Variants in SERINC4 observed in about 807,000 individuals in gnomAD.
SERINC4 encodes the protein serine incorporator 4.
SERINC4 carries 52 observed loss-of-function variants against 52.0 expected under a neutral mutation model. The observed-to-expected ratio is 1.00, with a 90% CI of 0.80 to 1.26. The LOEUF (loss-of-function observed/expected upper bound fraction) is 1.26, where lower values mean the gene tolerates loss of function less well. Among genes scored for constraint, SERINC4 ranks in the 50% most tolerant of loss-of-function variants. SERINC4 has a pLI of 0.00. For synonymous variants in SERINC4, 264 were observed against 247.7 expected (o/e 1.07, Z -0.62); for missense variants, 723 against 632.8 (o/e 1.14, Z -1.53).
chr15:43,796,973 G>T, intron 6 of SERINC4, 33 bp from the exon 7 acceptor site: 2 of 1,579,010 alleles, frequency 1.3e-6, no homozygotes, highest in Non-Finnish European at 1.7e-6. Context: ...TTAGTCTACA[G>T]GCTGGTAATT....
intron 3 of SERINC4, 196 bp from the exon 4 acceptor site, chr15:43,798,700 ATACT>A (rs2087259518): frequency 1.6e-6 from 1 of 625,640 alleles, no homozygotes; most frequent in Non-Finnish European, 2.8e-6. Flanking sequence ...TAACTCAAAG[ATACT>A]TAATAGCATC....
chr15:43,796,888 C>T lies in SERINC4; in HGVS notation c.897G>A (p.Met299Ile), dbSNP rs771121847. 6.2e-7 allele frequency: 1 copy of T among 1,614,130 alleles called. No individual in the cohort carries two copies. Among genetic ancestry groups the T allele is most frequent in the East Asian group, 2.2e-5 (1 of 44,888 alleles). The part of the protein sequence containing the change: ...LQASVISCYI[M>I]YLTFSALSSR... ...TGGACAGTGCAGAGAAAGTCAGATACATGATATAGCAGCTGATGACAGAAG... is the reference window on the plus strand; with the variant it reads ...TGGACAGTGCAGAGAAAGTCAGATATATGATATAGCAGCTGATGACAGAAG... Residue 299 changes from methionine (M) to isoleucine (I), a missense_variant, in exon 7 of 12, where the codon ATG (methionine) becomes ATA (isoleucine). Transcript: ENST00000319327.
In SERINC4 at chr15:43,796,157, G is replaced by A. The variant is rs767992795; in HGVS notation, c.1138C>T (p.Gln380Ter). The stretch of plus-strand genomic sequence containing the variant: ...GATATGGAGCTCTTTATCCTCACCT[G>A]AAACTCATAGCTGTAAACCTTGACA... ...WIVKVYSYEF[Q>*]KPSLCFCCPE... Residue 380 changes from glutamine (Q) to a stop codon, truncating the protein, a stop_gained and splice_region_variant, in exon 9 of 12, where the codon CAG (glutamine) becomes TAG (stop). Coordinates refer to ENST00000319327, the MANE Select transcript of SERINC4 (RefSeq NM_001258031.2). LOFTEE classifies it high-confidence loss of function. 6.2e-7 allele frequency: 1 copy of A among 1,612,010 alleles called. No homozygotes were observed. The highest frequency in any genetic ancestry group is 8.5e-7 in the Non-Finnish European group (1 of 1,178,080).
At position 43,794,739 on chromosome 15, in the gene SERINC4, A is replaced by G; in HGVS notation, c.*261T>C. Reference sequence around the variant, plus strand: ...TGGTGCCACACTGTCTGCTGGGATCAGCGGTGGTTCTTTGAGCTGCTGATT... The same window carrying G: ...TGGTGCCACACTGTCTGCTGGGATCGGCGGTGGTTCTTTGAGCTGCTGATT... On this transcript the variant is annotated 3_prime_UTR_variant, in exon 12 of 12. Coordinates refer to ENST00000319327, the MANE Select transcript of SERINC4 (RefSeq NM_001258031.2). 1 of 431,396 alleles carries G rather than the reference A, an allele frequency of 2.3e-6. No homozygotes were observed. Among genetic ancestry groups the G allele is most frequent in the Non-Finnish European group, 4.2e-6 (1 of 237,814 alleles). The allele number at this position is 431,396 out of a possible 1,614,324, so 26.7% of individuals were successfully genotyped here.
At chr15:43,799,704 ATCTGACCTTTC>A in intron 1 of SERINC4, 170 bp downstream of exon 1, 2 of 812,242 alleles carry the variant, frequency 2.5e-6, no homozygotes, top group Non-Finnish European at 4.2e-6. Context: ...GGCTTGAGAT[ATCTGACCTTTC>A]TCTCGACCTA....
intron 10 of SERINC4, 35 bp from the exon 11 acceptor site, chr15:43,795,576 G>C: frequency 6.2e-7 from 1 of 1,613,526 alleles, no homozygotes; most frequent in Non-Finnish European, 8.5e-7. Context: ...GAGCAGAGCT[G>C]CTGAAACACC....
chr15:43,794,894 A>T lies in SERINC4; in HGVS notation c.*106T>A. On this transcript the variant is annotated 3_prime_UTR_variant, in exon 12 of 12. Transcript: ENST00000319327. ...ATAGTATTGACTTCAGCCCAAACGG[A>T]GATAACTCCCTGTGTGTCCTTGAGG... 1 of 844,052 alleles carries T rather than the reference A, an allele frequency of 1.2e-6. No homozygotes were observed. Among genetic ancestry groups the T allele is most frequent in the East Asian group, 2.4e-5 (1 of 41,218 alleles). The allele number at this position is 844,052 out of a possible 1,614,324, so 52.3% of individuals were successfully genotyped here. A position where few individuals can be genotyped will look rare whatever the true frequency, so the allele number is the denominator to read the frequency against.
At position 43,799,447 on chromosome 15, in the gene SERINC4, G is replaced by A; in HGVS notation, c.142C>T (p.His48Tyr). The change falls in exon 2 of 12, where the codon CAC becomes TAC. Residue 48 changes from histidine (H) to tyrosine (Y), a missense_variant. Transcript: ENST00000319327. ...CGPAPCASCC[H>Y]SRWPSLTAST... ...GCGGTGAGAGAGGGCCACCTAGAGT[G>A]GCAGCAGCTGGCACAAGGAGCAGGC... The A allele has an allele frequency of 6.4e-7, 1 of 1,550,680 alleles. No homozygotes were observed. Among genetic ancestry groups the A allele is most frequent in the Non-Finnish European group, 8.7e-7 (1 of 1,147,008 alleles).
In SERINC4 at chr15:43,795,055, A is replaced by G. The variant is rs1278740268; in HGVS notation, c.1502T>C (p.Leu501Ser). The G allele has an allele frequency of 3.1e-6, 5 of 1,612,972 alleles. No homozygotes were observed. In the Admixed American group the frequency reaches 6.7e-5, roughly 22 times the overall value. Residue 501 changes from leucine (L) to serine (S), a missense_variant, in exon 12 of 12, where the codon TTG becomes TCG. Coordinates refer to ENST00000319327, the MANE Select transcript of SERINC4 (RefSeq NM_001258031.2). ...PPTQKPQPLI[L>S]RRRRHRIISP... ...TATGATGCGGTGGCGGCGGCGCCTC[A>G]AGATAAGGGGCTGGGGTTTCTGGGT...
Position 43,798,610 on chromosome 15 carries a change from G to A in SERINC4, c.459-106C>T. The A allele has an allele frequency of 3.7e-6, 3 of 801,870 alleles. No individual in the cohort carries two copies. The South Asian group carries it at 4.5e-5, about 12-fold the overall frequency. 49.7% of individuals were successfully genotyped at this position (801,870 alleles called of 1,614,324 possible). A position where few individuals can be genotyped will look rare whatever the true frequency, so the allele number is the denominator to read the frequency against. On this transcript the variant is annotated intron_variant, in intron 3 of 11. Transcript: ENST00000319327. ...GAGAAACCAAAAATATAGGAAAGAG[G>A]ACAGACGAGACAACTAAGGAGGAAC...
rs1391451666 is a variant in SERINC4 at position 43,799,345 on chromosome 15, T to C, written c.244A>G (p.Thr82Ala). Residue 82 changes from threonine (T) to alanine (A), a missense_variant, in exon 2 of 12, where the codon ACA becomes GCA. Transcript: ENST00000319327. ...SAICCLLLSR[T>A]VVERVWGKTH... Reference sequence around the variant, plus strand: ...TTGCCCCACACCCTTTCCACTACTGTCCTTGACAGCAGGAGGCAGCAGATT... The same window carrying C: ...TTGCCCCACACCCTTTCCACTACTGCCCTTGACAGCAGGAGGCAGCAGATT... The C allele has an allele frequency of 1.3e-6, 2 of 1,551,102 alleles. No homozygotes were observed. Among genetic ancestry groups the C allele is most frequent in the Non-Finnish European group, 8.7e-7 (1 of 1,147,118 alleles).
rs142556047 is a variant in SERINC4, at chr15:43,795,094, A to C, written c.1463T>G (p.Leu488Arg). The C allele has an allele frequency of 1.4e-5, 23 of 1,613,758 alleles. No individual in the cohort carries two copies. The highest frequency in any genetic ancestry group is 1.9e-5 in the Non-Finnish European group (23 of 1,179,976). The change falls in exon 12 of 12, where the codon CTC (leucine) becomes CGC (arginine). Residue 488 changes from leucine to arginine, a missense_variant. Physicochemically the swap from Leu to Arg is moderately radical, Grantham distance 102. Coordinates refer to ENST00000319327, the MANE Select transcript of SERINC4 (RefSeq NM_001258031.2). ...LLYLGLLLAP[L>R]CWPPTQKPQP... ...GGGTTTCTGGGTGGGGGGCCAACAG[A>C]GTGGTGCCAGTAACAGCCCCAGATA... is the stretch of plus-strand genomic sequence containing the variant.
intron 5 of SERINC4, 199 bp from the exon 6 acceptor site, chr15:43,797,555 G>A (rs1160814304): frequency 3.5e-6 from 2 of 566,254 alleles, no homozygotes; most frequent in Non-Finnish European, 6.3e-6. Context: ...ACCATGTCCA[G>A]CTAACTTTTA....
intron 6 of SERINC4, 64 bp downstream of exon 6, chr15:43,797,081 G>A (rs2087231424): frequency 6.9e-7 from 1 of 1,453,494 alleles, no homozygotes; most frequent in Non-Finnish European, 9.5e-7. Flanking sequence ...GATTAGGGAG[G>A]TAATGAAACT....
chr15:43,795,866 C>G (rs766634461), intron 9 of SERINC4, 130 bp from the exon 10 acceptor site: 1 of 886,700 alleles, frequency 1.1e-6, no homozygotes, highest in Non-Finnish European at 1.7e-6. Flanking sequence ...AATTCTAGCT[C>G]CAGCATATAA....
chr15:43,799,729 A>C, intron 1 of SERINC4, 156 bp downstream of exon 1: 1 of 821,518 alleles, frequency 1.2e-6, no homozygotes, highest in Non-Finnish European at 2.1e-6. Context: ...CGACCTAAAC[A>C]CCTGGGGCTG....
chr15:43,796,038 C>A, intron 9 of SERINC4, 117 bp downstream of exon 9: 1 of 787,700 alleles, frequency 1.3e-6, no homozygotes, highest in Admixed American at 2.1e-5. Flanking sequence ...TGTGGGTACT[C>A]AATAAAAGGT....
Position 43,798,512 on chromosome 15 carries a change from G to T in SERINC4, c.459-8C>A. On this transcript the variant is annotated splice_region_variant and splice_polypyrimidine_tract_variant and intron_variant, in intron 3 of 11. Transcript: ENST00000319327. ...AGCTTGAGGAGCCAGAAGCTGGTTA[G>T]GAGGGAGAAAGAAAAACAGACTCAG... is the stretch of plus-strand genomic sequence containing the variant. The T allele has an allele frequency of 6.2e-7, 1 of 1,608,360 alleles. No homozygotes were observed. Among genetic ancestry groups the T allele is most frequent in the Non-Finnish European group, 8.5e-7 (1 of 1,174,830 alleles).
At chr15:43,795,280 T>C (rs2087181665) in intron 11 of SERINC4, 67 bp from the exon 12 acceptor site, 1 of 1,591,356 alleles carries the variant, frequency 6.3e-7, no homozygotes, top group African/African-American at 1.3e-5. Flanking sequence ...TTCTACCTCC[T>C]CACCAAATAT....
Sources: gnomAD v4.1 joint callset for allele counts on GRCh38, gnomAD v4.1.1 for gene constraint, MANE v1.5 for transcripts, NCBI Gene and HGNC (gene_info 2026-07-23, HGNC 2026-07-21) for gene names.